Variants in UBE2E2 observed in about 807,000 individuals in gnomAD.
UBE2E2 encodes the protein ubiquitin conjugating enzyme E2 E2.
A neutral mutation model predicts 24.7 loss-of-function variants in UBE2E2; 6 were observed. The observed-to-expected ratio is 0.24, with a 90% CI of 0.13 to 0.48. UBE2E2 has a LOEUF of 0.48. UBE2E2 is among the 20% of genes least tolerant of loss of function. The pLI is 0.99. For synonymous variants in UBE2E2, 104 were observed against 83.6 expected (o/e 1.24, Z -1.33); for missense variants, 169 against 245.0 (o/e 0.69, Z 2.07).
chr3:23,546,769 G>C (rs1448140287), intron 5 of UBE2E2, among the ~76,000 whole-genome samples: 1 of 151,756 alleles, frequency 6.6e-6, no homozygotes, highest in African/African-American at 2.4e-5. Flanking sequence ...CACCGCGCCC[G>C]GCAAGAACAT....
chr3:23,522,549 TTTTG>T (rs780259976), intron 4 of UBE2E2, among the ~76,000 whole-genome samples: 17 of 152,300 alleles, frequency 1.1e-4, no homozygotes, highest in South Asian at 2.1e-4. Flanking sequence ...ACTCTTAGAG[TTTTG>T]TTTAATTTCT....
intron 3 of UBE2E2, among the ~76,000 whole-genome samples, chr3:23,273,074 C>T (rs1275961952): frequency 6.6e-6 from 1 of 152,182 alleles, no homozygotes; most frequent in African/African-American, 2.4e-5. Context: ...CACAGACACA[C>T]TTGGAATAAT....
At chr3:23,588,773 C>T (rs1272359292) in intron 5 of UBE2E2, among the ~76,000 whole-genome samples, 3 of 152,210 alleles carry the variant, frequency 2.0e-5, no homozygotes, top group Non-Finnish European at 4.4e-5. Flanking sequence ...CAATTTCCTC[C>T]TGTGTCAGCT....
At chr3:23,309,645 T>C (rs1157340978) in intron 3 of UBE2E2, among the ~76,000 whole-genome samples, 2 of 152,152 alleles carry the variant, frequency 1.3e-5, no homozygotes, top group Non-Finnish European at 2.9e-5. Flanking sequence ...GAGCATCATG[T>C]GCATCTTGAA....
At chr3:23,303,824 A>T (rs1349497944) in intron 3 of UBE2E2, among the ~76,000 whole-genome samples, 1 of 152,208 alleles carries the variant, frequency 6.6e-6, no homozygotes. Context: ...ATAATAATTA[A>T]CTTCTGACCA....
intron 3 of UBE2E2, 145 bp from the exon 4 acceptor site, chr3:23,499,463 G>A (rs1699673065): frequency 3.1e-6 from 3 of 966,464 alleles, no homozygotes; most frequent in Admixed American, 6.0e-5. Context: ...GACAATATTG[G>A]CAATATGAAT....
intron 3 of UBE2E2, among the ~76,000 whole-genome samples, chr3:23,358,859 T>C (rs995984486): frequency 6.6e-6 from 1 of 152,258 alleles, no homozygotes; most frequent in Non-Finnish European, 1.5e-5. Context: ...CTATTTATTA[T>C]GTGTAGTATC....
At chr3:23,451,854 A>G (rs985434035) in intron 3 of UBE2E2, among the ~76,000 whole-genome samples, 2 of 152,226 alleles carry the variant, frequency 1.3e-5, no homozygotes, top group African/African-American at 4.8e-5. Context: ...TTTGAAAAAA[A>G]TAGAGCAGTA....
chr3:23,221,030 A>G lies in UBE2E2; in HGVS notation c.227+3718A>G, dbSNP rs146309787. Among the ~76,000 whole-genome samples, 5 of 152,340 alleles carry G rather than the reference A, an allele frequency of 3.3e-5. No individual in the cohort carries two copies. The East Asian group carries it at 7.7e-4, about 24-fold the overall frequency. On this transcript the variant is annotated intron_variant, in intron 3 of 5. Transcript: ENST00000396703. ...AGAGAAGCTAACTTGTTCAAATGCT[A>G]TTATGATCTGCTACTGCTAAAGTTT...
intron 3 of UBE2E2, among the ~76,000 whole-genome samples, chr3:23,397,654 T>C (rs1291906288): frequency 6.6e-6 from 1 of 152,252 alleles, no homozygotes; most frequent in Non-Finnish European, 1.5e-5. Flanking sequence ...GGTGTCTGGC[T>C]TCTTTGTTGG....
chr3:23,371,032 A>G (rs1307980981), intron 3 of UBE2E2, among the ~76,000 whole-genome samples: 1 of 152,108 alleles, frequency 6.6e-6, no homozygotes, highest in Non-Finnish European at 1.5e-5. Flanking sequence ...TTTTATTTTA[A>G]AAAATTTTTT....
intron 3 of UBE2E2, among the ~76,000 whole-genome samples, chr3:23,283,342 T>C (rs1201540708): frequency 6.6e-6 from 1 of 152,152 alleles, no homozygotes; most frequent in Non-Finnish European, 1.5e-5. Context: ...GTGAACCCAC[T>C]TACATATTAC....
At chr3:23,323,346 C>G (rs1694795760) in intron 3 of UBE2E2, among the ~76,000 whole-genome samples, 1 of 152,084 alleles carries the variant, frequency 6.6e-6, no homozygotes, top group Admixed American at 6.5e-5. Flanking sequence ...TACTTACTGT[C>G]TTGTTTCTTC....
chr3:23,306,015 A>G (rs1268721561), intron 3 of UBE2E2, among the ~76,000 whole-genome samples: 1 of 152,218 alleles, frequency 6.6e-6, no homozygotes, highest in Non-Finnish European at 1.5e-5. Context: ...AAGGGCTGAC[A>G]TGACCATATT....
intron 3 of UBE2E2, among the ~76,000 whole-genome samples, chr3:23,289,117 G>A (rs1379669175): frequency 2.0e-5 from 3 of 152,222 alleles, no homozygotes; most frequent in East Asian, 3.8e-4. Flanking sequence ...AATTGGTGGA[G>A]GCTTCTATTT....
intron 3 of UBE2E2, among the ~76,000 whole-genome samples, chr3:23,460,720 G>A (rs1043120146): frequency 3.3e-5 from 5 of 152,180 alleles, no homozygotes; most frequent in African/African-American, 1.2e-4. Flanking sequence ...TGGCCTTAAA[G>A]GATGAAGATT....
chr3:23,254,066 A>G (rs575195358), intron 3 of UBE2E2, among the ~76,000 whole-genome samples: 2 of 152,354 alleles, frequency 1.3e-5, no homozygotes, highest in East Asian at 3.9e-4. Flanking sequence ...TATTGACATG[A>G]AAGAGACATA....
At chr3:23,241,522 T>C (rs971518715) in intron 3 of UBE2E2, among the ~76,000 whole-genome samples, 1 of 152,102 alleles carries the variant, frequency 6.6e-6, no homozygotes, top group African/African-American at 2.4e-5. Context: ...GCTGGCCTCT[T>C]CCCTGTCCCT....
rs1696218039 is a variant in UBE2E2 at position 23,571,280 on chromosome 3, C to CTTTCTTTTTTTTTTTTT, written c.509-18451_509-18450insCTTTTTTTTTTTTTTTT. ...AGTCCCCTCACCTGTGTGCTCCTTTCTTTTTTTTTTTTTTTTTTTTTTTTT... is the reference window on the plus strand; with the variant it reads ...AGTCCCCTCACCTGTGTGCTCCTTTCTTTCTTTTTTTTTTTTTTTTTTTTTTTTTTTTTTTTTTTTTT... On this transcript the variant is annotated intron_variant, in intron 5 of 5. Transcript: ENST00000396703. Among the ~76,000 whole-genome samples the CTTTCTTTTTTTTTTTTT allele has an allele frequency of 5.4e-4, 16 of 29,882 alleles. 1 individual carries two copies. Among genetic ancestry groups the CTTTCTTTTTTTTTTTTT allele is most frequent in the African/African-American group, 1.6e-3 (16 of 9,720 alleles). The allele number at this position is 29,882 out of a possible 152,430, so 19.6% of individuals were successfully genotyped here. A position where few individuals can be genotyped will look rare whatever the true frequency, so the allele number is the denominator to read the frequency against.
Sources: allele counts gnomAD v4.1 joint callset (sites outside exome capture counted in the v4.1 genomes callset), GRCh38; gene constraint gnomAD v4.1.1; transcripts MANE v1.5; gene names NCBI Gene and HGNC (gene_info 2026-07-23, HGNC 2026-07-21).